Variants in SLC8A1 observed in about 807,000 individuals in gnomAD.
SLC8A1 encodes sodium/calcium exchanger 1.
Under a neutral mutation model 68.3 loss-of-function variants are expected in SLC8A1, and 18 were observed. The observed-to-expected ratio is 0.26, with a 90% confidence interval of 0.18 to 0.39. SLC8A1 has a LOEUF of 0.39. Among genes scored for constraint, SLC8A1 ranks in the 10% least tolerant of loss-of-function variants. The pLI, the probability that SLC8A1 is intolerant of heterozygous loss-of-function variation, is 1.00. For missense variants in SLC8A1, 985 were observed against 1,156.7 expected (o/e 0.85, Z 2.15); for synonymous variants, 475 against 415.5 (o/e 1.14, Z -1.74).
At chr2:40,379,302 C>T (rs1045204184) in intron 2 of SLC8A1, among the ~76,000 whole-genome samples, 1 of 152,130 alleles carries the variant, frequency 6.6e-6, no homozygotes, top group African/African-American at 2.4e-5. Context: ...TTGAAAACTA[C>T]TGTTCTATAC....
chr2:40,138,064 G>A (rs2040859072), intron 7 of SLC8A1, among the ~76,000 whole-genome samples: 1 of 152,080 alleles, frequency 6.6e-6, no homozygotes, highest in Non-Finnish European at 1.5e-5. Context: ...TGTCCCAGGT[G>A]CTTTACTAGA....
At chr2:40,219,254 C>G (rs1038254604) in intron 2 of SLC8A1, among the ~76,000 whole-genome samples, 9 of 152,166 alleles carry the variant, frequency 5.9e-5, no homozygotes, top group African/African-American at 2.2e-4. Context: ...AGTGGAGAAG[C>G]ACAGCTCTTG....
At chr2:40,139,319 C>G (rs1459043562) in intron 7 of SLC8A1, 82 bp downstream of exon 10, 1 of 1,508,964 alleles carries the variant, frequency 6.6e-7, no homozygotes, top group Non-Finnish European at 9.1e-7. Context: ...TATCACAGCC[C>G]TTGAAATTGT....
At chr2:40,098,636 A>G (rs1214090346) in exon 8 of SLC8A1, 1 of 152,074 alleles carries the variant, frequency 6.6e-6, no homozygotes, top group African/African-American at 2.4e-5. Flanking sequence ...TTAGTGCAGT[A>G]TAAGAATTAT....
At chr2:40,439,221 T>A (rs192440549) in intron 1 of SLC8A1, among the ~76,000 whole-genome samples, 5 of 152,222 alleles carry the variant, frequency 3.3e-5, no homozygotes, top group Admixed American at 6.5e-5. Flanking sequence ...AGGTGTTTTG[T>A]CTTCTCTAAG....
At chr2:40,248,492 C>T (rs921493942) in intron 2 of SLC8A1, among the ~76,000 whole-genome samples, 8 of 152,116 alleles carry the variant, frequency 5.3e-5, no homozygotes, top group Non-Finnish European at 5.9e-5. Context: ...TGTACTTCAC[C>T]AGACACTGAC....
chr2:40,495,029 C>G (rs1470452994), intron 1 of SLC8A1, among the ~76,000 whole-genome samples: 1 of 151,106 alleles, frequency 6.6e-6, no homozygotes, highest in African/African-American at 2.5e-5. Flanking sequence ...AGGTTTGGTA[C>G]CCAAAAAAAT....
At chr2:40,458,690 C>A (rs906752253) in intron 1 of SLC8A1, among the ~76,000 whole-genome samples, 1 of 152,082 alleles carries the variant, frequency 6.6e-6, no homozygotes, top group Non-Finnish European at 1.5e-5. Context: ...AGCAATCTGA[C>A]CGAGCCTCAG....
At chr2:40,243,802 G>C (rs2061504193) in intron 2 of SLC8A1, among the ~76,000 whole-genome samples, 1 of 152,080 alleles carries the variant, frequency 6.6e-6, no homozygotes, top group Admixed American at 6.5e-5. Flanking sequence ...TTTTTTTCCT[G>C]ACAAATATTC....
chr2:40,193,616 A>G (rs1558692813), intron 2 of SLC8A1, among the ~76,000 whole-genome samples: 1 of 152,124 alleles, frequency 6.6e-6, no homozygotes, highest in Non-Finnish European at 1.5e-5. Context: ...GAGAGCTTGG[A>G]GACAGGAGAA....
intron 1 of SLC8A1, among the ~76,000 whole-genome samples, chr2:40,461,463 C>T (rs1183012420): frequency 6.6e-6 from 1 of 152,158 alleles, no homozygotes; most frequent in Non-Finnish European, 1.5e-5. Flanking sequence ...CTGAGAATAT[C>T]CGGTCTTCTT....
chr2:40,416,334 G>C (rs1309595930), intron 2 of SLC8A1, among the ~76,000 whole-genome samples: 1 of 151,940 alleles, frequency 6.6e-6, no homozygotes. Flanking sequence ...AATTCTACAA[G>C]TTCATAACTT....
At chr2:40,218,635 T>C (rs2057851728) in intron 2 of SLC8A1, among the ~76,000 whole-genome samples, 1 of 152,050 alleles carries the variant, frequency 6.6e-6, no homozygotes, top group Admixed American at 6.6e-5. Context: ...AGGAGGCATA[T>C]AGACCTTAGC....
In SLC8A1 at chr2:40,231,910, G is replaced by A. The variant is rs575451602; in HGVS notation, c.1809-54055C>T. Among the ~76,000 whole-genome samples, 9 of 152,230 alleles carry A rather than the reference G, an allele frequency of 5.9e-5. No homozygotes were observed. In the South Asian group the frequency reaches 1.0e-3, roughly 18 times the overall value. ...ACCAAACTTGGCTGTCCCTGGACTG[G>A]CCTGGGATACCTATAATATAGGAGG... On this transcript the variant is annotated intron_variant, in intron 2 of 7. Transcript: ENST00000406785.
intron 1 of SLC8A1, among the ~76,000 whole-genome samples, chr2:40,466,583 G>A (rs1413833352): frequency 2.6e-5 from 4 of 152,110 alleles, no homozygotes; most frequent in African/African-American, 9.7e-5. Context: ...CAAACTGAGG[G>A]TGCTAATCTG....
chr2:40,461,698 C>T (rs1170159411), intron 1 of SLC8A1, among the ~76,000 whole-genome samples: 2 of 152,116 alleles, frequency 1.3e-5, no homozygotes, highest in Non-Finnish European at 1.5e-5. Flanking sequence ...ATATTTGTAA[C>T]ATTTAATCAA....
At chr2:40,106,517 T>A (rs1249317728) in exon 8 of SLC8A1, 1 of 152,152 alleles carries the variant, frequency 6.6e-6, no homozygotes, top group Non-Finnish European at 1.5e-5. Context: ...GAGAACAACC[T>A]GAGAATATCA....
At chr2:40,360,402 A>G (rs1008288135) in intron 2 of SLC8A1, among the ~76,000 whole-genome samples, 2 of 152,168 alleles carry the variant, frequency 1.3e-5, no homozygotes, top group African/African-American at 2.4e-5. Flanking sequence ...CATAGTTTAT[A>G]TATTTATATG....
intron 2 of SLC8A1, among the ~76,000 whole-genome samples, chr2:40,226,602 C>A (rs2059009498): frequency 6.6e-6 from 1 of 152,122 alleles, no homozygotes; most frequent in Admixed American, 6.6e-5. Flanking sequence ...ACCTTGCTTC[C>A]CTCCACTCTA....
Sources: gnomAD v4.1 joint callset for allele counts (sites outside exome capture counted in the v4.1 genomes callset) on GRCh38, gnomAD v4.1.1 for gene constraint, MANE v1.5 for transcripts, NCBI Gene and HGNC (gene_info 2026-07-23, HGNC 2026-07-21) for gene names.